Variants in TAF6L observed in about 807,000 individuals in gnomAD.
TAF6L encodes the protein TATA-box binding protein associated factor 6 like.
In TAF6L, 34 loss-of-function variants were observed where a neutral mutation model predicts 57.3. The observed-to-expected ratio is 0.59, with a 90% confidence interval of 0.45 to 0.79. TAF6L has a LOEUF of 0.79. Ranked by LOEUF, TAF6L falls within the 30% of genes least tolerant of loss-of-function variation. TAF6L has a pLI of 0.00. For synonymous variants in TAF6L, 417 were observed against 376.3 expected (o/e 1.11, Z -1.25); for missense variants, 782 against 853.2 (o/e 0.92, Z 1.04).
chr11:62,781,692 G>T, intron 6 of TAF6L: 1 of 508,120 alleles, frequency 2.0e-6, no homozygotes. Context: ...GGACATTCAG[G>T]TTGTATTCAG....
chr11:62,784,158 T>A (rs2134721882), intron 9 of TAF6L, among the ~76,000 whole-genome samples: 1 of 145,864 alleles, frequency 6.9e-6, no homozygotes, highest in South Asian at 2.2e-4. Context: ...GCCAGTTAAT[T>A]TTTGTATTTT....
intron 1 of TAF6L, chr11:62,774,518 T>C (rs1430920145): frequency 4.4e-6 from 2 of 452,144 alleles, no homozygotes; most frequent in Non-Finnish European, 8.9e-6. Flanking sequence ...GTGGGGGCAA[T>C]GCCTGGGTGG....
intron 9 of TAF6L, among the ~76,000 whole-genome samples, chr11:62,785,538 C>CTT (rs1205888751): frequency 7.3e-6 from 1 of 136,454 alleles, no homozygotes; most frequent in Non-Finnish European, 1.6e-5. Context: ...ATAGTTAATT[C>CTT]TTTTTTTTTT....
At chr11:62,782,874 TTAGAAAAA>T in intron 9 of TAF6L, 49 bp downstream of exon 9, 2 of 1,602,214 alleles carry the variant, frequency 1.2e-6, no homozygotes, top group Non-Finnish European at 1.7e-6. Flanking sequence ...CCCATTTGTG[TTAGAAAAA>T]TAGTACTTGT....
At chr11:62,784,306 AT>A (rs1030701221) in intron 9 of TAF6L, among the ~76,000 whole-genome samples, 10,555 of 118,674 alleles carry the variant, frequency 0.089, 468 homozygotes, top group East Asian at 0.15. Flanking sequence ...TATATTCTTA[AT>A]TTTTTTTTTT....
At chr11:62,771,999 C>T in intron 1 of TAF6L, 2 of 416,578 alleles carry the variant, frequency 4.8e-6, no homozygotes, top group Admixed American at 5.7e-5. Flanking sequence ...GCTGGCGGCT[C>T]CTGAATGCGG....
chr11:62,777,536 C>G (rs1407546038), intron 3 of TAF6L, among the ~76,000 whole-genome samples: 1 of 152,040 alleles, frequency 6.6e-6, no homozygotes, highest in East Asian at 1.9e-4. Context: ...AGAACTTGAG[C>G]TTGGCTTAAA....
intron 7 of TAF6L, 47 bp downstream of exon 7, chr11:62,782,015 T>G: frequency 6.2e-7 from 1 of 1,609,042 alleles, no homozygotes; most frequent in South Asian, 1.1e-5. Flanking sequence ...AAGGAAGAGA[T>G]GACCCAGCAG....
intron 9 of TAF6L, among the ~76,000 whole-genome samples, chr11:62,784,813 G>A (rs2084258293): frequency 6.6e-6 from 1 of 152,160 alleles, no homozygotes; most frequent in African/African-American, 2.4e-5. Flanking sequence ...TTATTGGACT[G>A]TAATGCATTT....
intron 6 of TAF6L, among the ~76,000 whole-genome samples, chr11:62,781,096 C>T (rs1402888254): frequency 6.6e-6 from 1 of 150,942 alleles, no homozygotes; most frequent in Non-Finnish European, 1.5e-5. Context: ...ATTAGCTGGG[C>T]GTGGTGGTGG....
At chr11:62,778,183 G>A in intron 4 of TAF6L, 55 bp downstream of exon 4, 1 of 1,613,894 alleles carries the variant, frequency 6.2e-7, no homozygotes, top group Non-Finnish European at 8.5e-7. Flanking sequence ...GTGAAGAGAA[G>A]TGGTGATGGG....
chr11:62,775,407 A>C (rs1446870285), intron 1 of TAF6L, among the ~76,000 whole-genome samples: 1 of 152,144 alleles, frequency 6.6e-6, no homozygotes, highest in Non-Finnish European at 1.5e-5. Flanking sequence ...CAGTCATCTC[A>C]TTTTCACAGC....
intron 5 of TAF6L, chr11:62,778,601 T>C: frequency 3.3e-6 from 2 of 615,188 alleles, no homozygotes; most frequent in East Asian, 5.5e-5. Flanking sequence ...ACCCCCAGGG[T>C]ATGCTGAGCA....
chr11:62,773,727 C>T (rs917127629), intron 1 of TAF6L, among the ~76,000 whole-genome samples: 3 of 152,114 alleles, frequency 2.0e-5, no homozygotes, highest in Non-Finnish European at 4.4e-5. Context: ...GGATTAGAGG[C>T]GTGAGCCACT....
rs754426905 is a variant in TAF6L at position 62,787,144 on chromosome 11, T to C, written c.1717T>C (p.Cys573Arg). 1 of 1,568,902 alleles carries C rather than the reference T, an allele frequency of 6.4e-7. No individual in the cohort carries two copies. Among genetic ancestry groups the C allele is most frequent in the South Asian group, 1.1e-5 (1 of 87,742 alleles). ...AGCCGGGCGGCAGGCTGGGAGGCGC[T>C]GCCGCGGGCGCCTTTTCCAGACTGC... is the stretch of plus-strand genomic sequence containing the variant. Reference protein sequence around the residue: ...IIAGRQAGRRCRGRLFQTAFP... With the variant: ...IIAGRQAGRRRRGRLFQTAFP... Residue 573 changes from cysteine (C) to arginine (R), a missense_variant, in exon 11 of 11, where the codon TGC becomes CGC. This residue lies in a region of TAF6L where 483 missense variants were observed against 445.1 expected (regional missense o/e 1.09). Transcript: ENST00000294168.
At chr11:62,776,015 T>C (rs79899241) in intron 2 of TAF6L, 85 bp downstream of exon 2, 1 of 1,474,772 alleles carries the variant, frequency 6.8e-7, no homozygotes, top group Admixed American at 2.2e-5. Flanking sequence ...TTTATTCAAG[T>C]GTACACTGGG....
chr11:62,773,739 G>C (rs1246217010), intron 1 of TAF6L, among the ~76,000 whole-genome samples: 2 of 151,950 alleles, frequency 1.3e-5, no homozygotes, highest in East Asian at 3.9e-4. Flanking sequence ...TGAGCCACTG[G>C]GTCCAGCTAC....
intron 9 of TAF6L, among the ~76,000 whole-genome samples, chr11:62,784,914 G>A (rs1435637147): frequency 6.6e-6 from 1 of 152,168 alleles, no homozygotes; most frequent in Non-Finnish European, 1.5e-5. Context: ...TCCTTGTCTG[G>A]TTTTAGAATC....
At chr11:62,780,059 T>C (rs1396215919) in intron 6 of TAF6L, among the ~76,000 whole-genome samples, 4 of 148,170 alleles carry the variant, frequency 2.7e-5, no homozygotes, top group African/African-American at 1.0e-4. Context: ...CAATCCTTCC[T>C]TGGCCTCCCA....
Sources: gnomAD v4.1 joint callset for allele counts (sites outside exome capture counted in the v4.1 genomes callset) on GRCh38, gnomAD v4.1.1 for gene constraint, gnomAD v4.1.1 regional missense constraint, MANE v1.5 for transcripts, NCBI Gene and HGNC (gene_info 2026-07-23, HGNC 2026-07-21) for gene names.